Variants in MEGF11 observed in about 807,000 individuals in gnomAD.
MEGF11 encodes multiple EGF like domains 11.
In MEGF11, 126 loss-of-function variants were observed where a neutral mutation model predicts 146.6. The observed-to-expected ratio is 0.86, with a 90% CI of 0.74 to 1.00. MEGF11 has a LOEUF of 1.00. Ranked by LOEUF, MEGF11 falls within the 50% of genes least tolerant of loss-of-function variation. The pLI, the probability that MEGF11 is intolerant of heterozygous loss-of-function variation, is 0.00. For synonymous variants in MEGF11, 532 were observed against 583.4 expected (o/e 0.91, Z 1.27); for missense variants, 1,509 against 1,521.2 (o/e 0.99, Z 0.13).
At chr15:66,237,977 G>A (rs1468371445) in intron 1 of MEGF11, among the ~76,000 whole-genome samples, 3 of 152,232 alleles carry the variant, frequency 2.0e-5, no homozygotes, top group African/African-American at 4.8e-5. Context: ...GGTAATAGAG[G>A]ATTGATTCGA....
At chr15:66,025,892 C>G (rs1338377790) in intron 5 of MEGF11, among the ~76,000 whole-genome samples, 2 of 152,222 alleles carry the variant, frequency 1.3e-5, no homozygotes, top group Non-Finnish European at 2.9e-5. Context: ...TGATAATTAA[C>G]AATGCCTCCC....
At chr15:66,020,745 C>G (rs2083081971) in intron 5 of MEGF11, among the ~76,000 whole-genome samples, 1 of 152,154 alleles carries the variant, frequency 6.6e-6, no homozygotes. Flanking sequence ...GTAATCCCAG[C>G]ACTTTGGGAG....
chr15:66,244,751 C>G (rs2092270214), intron 1 of MEGF11, among the ~76,000 whole-genome samples: 1 of 152,050 alleles, frequency 6.6e-6, no homozygotes, highest in Admixed American at 6.6e-5. Flanking sequence ...AAATTTAGTC[C>G]CTTTCCCCAG....
chr15:66,183,353 A>G (rs1247607465), intron 1 of MEGF11, among the ~76,000 whole-genome samples: 1 of 152,034 alleles, frequency 6.6e-6, no homozygotes, highest in African/African-American at 2.4e-5. Flanking sequence ...TACAAAAATT[A>G]GCCAAGAATG....
intron 5 of MEGF11, among the ~76,000 whole-genome samples, chr15:66,007,761 A>C (rs1327152017): frequency 6.6e-6 from 1 of 151,912 alleles, no homozygotes; most frequent in East Asian, 1.9e-4. Context: ...CAAGAAAAGA[A>C]AAGAAAAGAA....
chr15:66,128,493 A>G (rs986638630), intron 1 of MEGF11, 82 bp from the exon 2 acceptor site: 1 of 739,814 alleles, frequency 1.4e-6, no homozygotes, highest in African/African-American at 1.8e-5. Context: ...GTCGTGGGTA[A>G]TGAGCATTTG....
intron 5 of MEGF11, among the ~76,000 whole-genome samples, chr15:66,084,267 A>T (rs2086010307): frequency 2.0e-5 from 3 of 152,186 alleles, no homozygotes. Context: ...ACTCAACACA[A>T]AACAATCTGA....
At chr15:66,183,891 C>A (rs115227715) in intron 1 of MEGF11, among the ~76,000 whole-genome samples, 7,225 of 152,186 alleles carry the variant, frequency 0.047, 571 homozygotes, top group African/African-American at 0.16. Flanking sequence ...ATAAATTGAG[C>A]AGCAAAGTCC....
rs1024046158 is a variant in MEGF11 at position 65,898,002 on chromosome 15, C to A, written c.3355G>T (p.Gly1119Cys). ...YDLPRNSHIPGHYDLLPVRQS... is the reference protein window; with the variant it reads ...YDLPRNSHIPCHYDLLPVRQS... ...CTTACTGGGAGGAGGTCATAATGAC[C>A]AGGAATATGGCTGTTCCTAGGTAGG... The change falls in exon 26 of 26, where the codon GGT becomes TGT. Residue 1119 changes from glycine to cysteine, a missense_variant. By Grantham distance (159) the Gly-to-Cys change is radical. Coordinates refer to ENST00000395614, the MANE Select transcript of MEGF11 (RefSeq NM_001385028.1). 6.2e-7 allele frequency: 1 copy of A among 1,613,874 alleles called. No homozygotes were observed. Among genetic ancestry groups the A allele is most frequent in the Non-Finnish European group, 8.5e-7 (1 of 1,179,862 alleles).
rs2081008511 is a variant in MEGF11 at position 65,964,991 on chromosome 15, G to C, written c.1029C>G (p.Arg343=). ...CECEPGYKGP[R]CQERLCPEGL... ...CCTCCGGGCACAGTCGCTCCTGGCA[G>C]CGTGGGCCCTTGTAGCCAGGCTCAC... Residue 343 remains arginine (R), a synonymous_variant, in exon 9 of 26, where the codon CGC becomes CGG. Transcript: ENST00000395614. 4 of 1,568,582 alleles carry C rather than the reference G, an allele frequency of 2.6e-6. No homozygotes were observed. The highest frequency in any genetic ancestry group is 3.5e-6 in the Non-Finnish European group (4 of 1,156,998).
intron 1 of MEGF11, among the ~76,000 whole-genome samples, chr15:66,170,769 C>T (rs1228259537): frequency 6.6e-6 from 1 of 152,154 alleles, no homozygotes; most frequent in South Asian, 2.1e-4. Context: ...CCCCACTCCC[C>T]ATCCCCACCT....
chr15:65,982,233 A>C lies in MEGF11; in HGVS notation c.641+9T>G, dbSNP rs1467752494. On this transcript the variant is annotated intron_variant, in intron 6 of 25. Transcript: ENST00000395614. The surrounding 1 kb of genome is among the most constrained non-coding windows in gnomAD (Gnocchi z 5.6). ...GTCCCGCCCCTCCAGGTCCTGCCGC[A>C]TGACTCACTAGACGCCGGTGTAGCC... 4.6e-6 allele frequency: 6 copies of C among 1,294,888 alleles called. No individual in the cohort carries two copies. In the East Asian group the frequency reaches 1.7e-4, roughly 36 times the overall value. 80.2% of individuals were successfully genotyped at this position (1,294,888 alleles called of 1,614,324 possible).
Position 66,061,880 on chromosome 15 carries a change from C to T in MEGF11, c.394+32522G>A, listed in dbSNP as rs183895458. 1.2e-4 allele frequency among the ~76,000 whole-genome samples: 18 copies of T among 152,336 alleles called. No homozygotes were observed. The East Asian group carries it at 3.5e-3, about 29-fold the overall frequency. ...ATCAAACTCCTGGGCTCAAGTGATC[C>T]TCCTGCTTCAGCTTAAGTAGCTGGT... On this transcript the variant is annotated intron_variant, in intron 5 of 25. Transcript: ENST00000395614.
At chr15:66,141,327 C>G (rs1471454834) in intron 1 of MEGF11, among the ~76,000 whole-genome samples, 1 of 148,208 alleles carries the variant, frequency 6.7e-6, no homozygotes, top group Non-Finnish European at 1.5e-5. Flanking sequence ...AGGCTCATCT[C>G]TTTGGATCAG....
At chr15:65,988,659 A>G (rs561205156) in intron 5 of MEGF11, among the ~76,000 whole-genome samples, 43 of 152,246 alleles carry the variant, frequency 2.8e-4, no homozygotes, top group Non-Finnish European at 5.0e-4. Flanking sequence ...TATGGACTGT[A>G]CTAGGAATAA....
chr15:66,031,351 T>C (rs1378738605), intron 5 of MEGF11, among the ~76,000 whole-genome samples: 1 of 152,204 alleles, frequency 6.6e-6, no homozygotes, highest in Admixed American at 6.5e-5. Context: ...GCATAGAATA[T>C]GCAAGGATGT....
chr15:66,171,738 GACTC>G (rs1451674952), intron 1 of MEGF11, among the ~76,000 whole-genome samples: 14 of 146,344 alleles, frequency 9.6e-5, no homozygotes, highest in South Asian at 6.6e-4. Flanking sequence ...CAGCCCTGCA[GACTC>G]ACTACCATGC....
Position 66,141,277 on chromosome 15 carries a change from T to A in MEGF11, c.-8-12866A>T, listed in dbSNP as rs1388005355. On this transcript the variant is annotated intron_variant, in intron 1 of 25. Transcript: ENST00000395614. ...GTGTGTGTGTGTGTGTGTGTGTGTG[T>A]GTGTGTGTGTGTGAGAGAGAGAGAG... is the stretch of plus-strand genomic sequence containing the variant. 9.9e-3 allele frequency among the ~76,000 whole-genome samples: 1,258 copies of A among 126,672 alleles called. 13 individuals are homozygous for A. The highest frequency in any genetic ancestry group is 0.034 in the African/African-American group (1,172 of 34,130). 83.1% of individuals were successfully genotyped at this position (126,672 alleles called of 152,430 possible). A position where few individuals can be genotyped will look rare whatever the true frequency, so the allele number is the denominator to read the frequency against.
At chr15:66,239,091 C>T (rs926282009) in intron 1 of MEGF11, among the ~76,000 whole-genome samples, 6 of 152,162 alleles carry the variant, frequency 3.9e-5, no homozygotes, top group African/African-American at 7.2e-5. Context: ...AGCTGGGGTT[C>T]GAACCCAGGC....
Sources: gnomAD v4.1 joint callset for allele counts (sites outside exome capture counted in the v4.1 genomes callset) on GRCh38, gnomAD v4.1.1 for gene constraint, Gnocchi (gnomAD v3.1) non-coding constraint, MANE v1.5 for transcripts, NCBI Gene and HGNC (gene_info 2026-07-23, HGNC 2026-07-21) for gene names.